ABI3BP: variants seen among roughly 807,000 people sequenced by gnomAD.
ABI3BP encodes target of Nesh-SH3.
Under a neutral mutation model 268.6 loss-of-function variants are expected in ABI3BP, and 216 were observed. That is an observed-to-expected ratio of 0.80 (90% CI 0.72 to 0.90). The LOEUF (loss-of-function observed/expected upper bound fraction) is 0.90. ABI3BP is among the 40% of genes least tolerant of loss of function. The pLI is 0.00. For synonymous variants in ABI3BP, 730 were observed against 730.0 expected (o/e 1.00, Z 0.00); for missense variants, 2,090 against 2,182.4 (o/e 0.96, Z 0.84).
chr3:100,836,413 C>A (rs1417063677), intron 27 of ABI3BP, among the ~76,000 whole-genome samples: 1 of 152,114 alleles, frequency 6.6e-6, no homozygotes, highest in East Asian at 1.9e-4. Flanking sequence ...ATCTCATCCT[C>A]AAAAACTCTT....
At chr3:100,820,095 T>C (rs2098174710) in intron 40 of ABI3BP, 125 bp downstream of exon 40, 5 of 768,036 alleles carry the variant, frequency 6.5e-6, no homozygotes, top group Non-Finnish European at 8.3e-6. Context: ...GGGGGAGCAG[T>C]AGCACATCTT....
At chr3:100,816,195 T>C (rs1479067104) in intron 43 of ABI3BP, 1 of 509,440 alleles carries the variant, frequency 2.0e-6, no homozygotes, top group Non-Finnish European at 3.4e-6. Context: ...TATCTTGATA[T>C]TATCCACATG....
chr3:100,988,923 A>T (rs777830535), intron 1 of ABI3BP, among the ~76,000 whole-genome samples: 1 of 152,226 alleles, frequency 6.6e-6, no homozygotes, highest in Admixed American at 6.5e-5. Flanking sequence ...ACTCTGAGGC[A>T]CAATTTTATG....
intron 49 of ABI3BP, 149 bp downstream of exon 49, chr3:100,810,263 C>T: frequency 1.7e-6 from 1 of 592,316 alleles, no homozygotes; most frequent in Non-Finnish European, 2.8e-6. Flanking sequence ...GAGTAATTAC[C>T]AATGATAGCA....
At chr3:100,829,552 G>A in intron 33 of ABI3BP, 29 bp downstream of exon 33, 1 of 1,521,704 alleles carries the variant, frequency 6.6e-7, no homozygotes, top group South Asian at 1.2e-5. Flanking sequence ...GGGCTGTTAG[G>A]ATTCCTCAAG....
At chr3:100,950,859 T>G (rs930508896) in intron 1 of ABI3BP, among the ~76,000 whole-genome samples, 1 of 151,860 alleles carries the variant, frequency 6.6e-6, no homozygotes, top group Non-Finnish European at 1.5e-5. Flanking sequence ...CTCATACTAG[T>G]CATTCACAGT....
In ABI3BP at chr3:100,833,133, G is replaced by A; in HGVS notation, c.2306C>T (p.Thr769Ile). 6.5e-7 allele frequency: 1 copy of A among 1,534,756 alleles called. No homozygotes were observed. The highest frequency in any genetic ancestry group is 8.7e-7 in the Non-Finnish European group (1 of 1,145,978). Residue 769 changes from threonine (T) to isoleucine (I), a missense_variant, in exon 30 of 68, where the codon ACA becomes ATA. Transcript: ENST00000471714. ...ACATAGAGAGTCATTACCTGAAGAT[G>A]TCCCAGGAGTAATAGGTCCAAAGTC... ...KLDFGPITPGTSSAPTTTTKR... is the reference protein window; with the variant it reads ...KLDFGPITPGISSAPTTTTKR...
intron 63 of ABI3BP, among the ~76,000 whole-genome samples, chr3:100,761,824 T>C (rs896948055): frequency 6.6e-6 from 1 of 152,218 alleles, no homozygotes; most frequent in African/African-American, 2.4e-5. Flanking sequence ...GTAATTATCA[T>C]CTGAATTCAG....
At chr3:100,978,106 C>A (rs191913044) in intron 1 of ABI3BP, among the ~76,000 whole-genome samples, 33 of 152,300 alleles carry the variant, frequency 2.2e-4, no homozygotes, top group African/African-American at 7.5e-4. Flanking sequence ...AGTCTACATG[C>A]AGCTTCAAGG....
intron 9 of ABI3BP, among the ~76,000 whole-genome samples, chr3:100,868,257 G>A (rs1448118909): frequency 6.6e-6 from 1 of 152,170 alleles, no homozygotes; most frequent in Non-Finnish European, 1.5e-5. Context: ...CCTGTATACT[G>A]TAGGATGTTG....
intron 1 of ABI3BP, among the ~76,000 whole-genome samples, chr3:100,965,805 G>A (rs949941083): frequency 1.3e-5 from 2 of 152,116 alleles, no homozygotes; most frequent in African/African-American, 4.8e-5. Context: ...TTGCCAAAAT[G>A]CCACAGCTGG....
At chr3:100,796,349 A>ATTTTGTTTTT in intron 52 of ABI3BP, 60 bp downstream of exon 52, 1 of 1,347,620 alleles carries the variant, frequency 7.4e-7, no homozygotes, top group African/African-American at 1.5e-5. Context: ...TATTTACTTC[A>ATTTTGTTTTT]AGAATTTTTT....
chr3:100,772,896 T>C (rs1467052430), intron 61 of ABI3BP, among the ~76,000 whole-genome samples: 1 of 151,890 alleles, frequency 6.6e-6, no homozygotes, highest in Non-Finnish European at 1.5e-5. Flanking sequence ...CTGGCCAACA[T>C]GGTGAAACCA....
At position 100,863,985 on chromosome 3, in the gene ABI3BP, T is replaced by C; in HGVS notation, c.1138+17A>G. 1.4e-6 allele frequency: 2 copies of C among 1,470,862 alleles called. No individual in the cohort carries two copies. Among genetic ancestry groups the C allele is most frequent in the Non-Finnish European group, 1.8e-6 (2 of 1,087,488 alleles). 91.1% of individuals were successfully genotyped at this position (1,470,862 alleles called of 1,614,324 possible). On this transcript the variant is annotated intron_variant, in intron 12 of 67. Coordinates refer to ENST00000471714, the MANE Select transcript of ABI3BP (RefSeq NM_001375547.2). ...ATCCAAGGTAATAATAAAGCTGCAG[T>C]ATTTATTATTTTTTACCTAGAGTGC... is the stretch of plus-strand genomic sequence containing the variant.
At chr3:100,832,992 G>A in intron 30 of ABI3BP, 133 bp downstream of exon 30, 6 of 752,616 alleles carry the variant, frequency 8.0e-6, no homozygotes, top group Non-Finnish European at 1.2e-5. Flanking sequence ...TAAAAAGCAA[G>A]CTTTCCATAT....
At chr3:100,768,083 G>GTTTTTT (rs11371725) in intron 62 of ABI3BP, among the ~76,000 whole-genome samples, 25 of 108,746 alleles carry the variant, frequency 2.3e-4, no homozygotes, top group Non-Finnish European at 3.1e-4. Flanking sequence ...TTTGGCTCAA[G>GTTTTTT]TTTTTTTTTT....
intron 3 of ABI3BP, 113 bp from the exon 4 acceptor site, chr3:100,899,007 C>A: frequency 8.5e-7 from 1 of 1,181,354 alleles, no homozygotes; most frequent in East Asian, 2.4e-5. Context: ...GTGAAAACAT[C>A]AAGTTCCTTT....
chr3:100,868,102 TG>T (rs1302199015), intron 9 of ABI3BP, among the ~76,000 whole-genome samples: 1 of 152,244 alleles, frequency 6.6e-6, no homozygotes, highest in Non-Finnish European at 1.5e-5. Flanking sequence ...CATGCCCCTT[TG>T]GGATACCCTG....
At chr3:100,839,247 A>T (rs1289842725) in intron 24 of ABI3BP, among the ~76,000 whole-genome samples, 2 of 152,222 alleles carry the variant, frequency 1.3e-5, no homozygotes, top group Non-Finnish European at 2.9e-5. Context: ...CCATTTGTTC[A>T]GTTCAGGATG....
Sources: gnomAD v4.1 joint callset for allele counts (sites outside exome capture counted in the v4.1 genomes callset) on GRCh38, gnomAD v4.1.1 for gene constraint, MANE v1.5 for transcripts, NCBI Gene and HGNC (gene_info 2026-07-23, HGNC 2026-07-21) for gene names.